The following KDM4A variants were observed in gnomAD, a reference collection of about 807,000 sequenced individuals.
The protein encoded by KDM4A is lysine demethylase 4A, also known as lysine-specific demethylase 4A.
KDM4A carries 23 observed loss-of-function variants against 127.1 expected under a neutral mutation model. The ratio of observed to expected loss-of-function variants is 0.18; its 90% CI spans 0.13 to 0.26. The LOEUF is 0.26. Among genes scored for constraint, KDM4A ranks in the 10% least tolerant of loss-of-function variants. The probability of loss-of-function intolerance (pLI) is 1.00; values close to 1 mark genes in which losing one functional copy is unlikely to be tolerated. For synonymous variants in KDM4A, 443 were observed against 466.5 expected (o/e 0.95, Z 0.65); for missense variants, 890 against 1,329.1 (o/e 0.67, Z 5.14).
At chr1:43,686,287 C>T (rs796697473) in intron 12 of KDM4A, among the ~76,000 whole-genome samples, 11 of 146,036 alleles carry the variant, frequency 7.5e-5, no homozygotes, top group African/African-American at 1.5e-4. Context: ...CCACCCACCT[C>T]GGCCTCCCAA....
Position 43,697,934 on chromosome 1 carries a change from G to T in KDM4A, c.2762G>T (p.Arg921Met), listed in dbSNP as rs967668303. The change falls in exon 19 of 22, where the codon AGG becomes ATG. Residue 921 changes from arginine to methionine, a missense_variant. By Grantham distance (91) the Arg-to-Met change is moderately conservative. This residue lies in a region of KDM4A where 246 missense variants were observed against 418.4 expected (regional missense o/e 0.59). Transcript: ENST00000372396. ...NGRFYQCEVVRLTTETFYEVN... is the reference protein window; with the variant it reads ...NGRFYQCEVVMLTTETFYEVN... The stretch of plus-strand genomic sequence containing the variant: ...CGCTTCTACCAGTGTGAAGTGGTCA[G>T]GCTCACCACCGAGACCTTCTATGAA... 1 of 1,604,646 alleles carries T rather than the reference G, an allele frequency of 6.2e-7. No homozygotes were observed. Among genetic ancestry groups the T allele is most frequent in the Non-Finnish European group, 8.5e-7 (1 of 1,175,826 alleles).
chr1:43,668,165 G>C (rs544098533), intron 9 of KDM4A, 146 bp downstream of exon 9: 1 of 1,133,146 alleles, frequency 8.8e-7, no homozygotes, highest in Non-Finnish European at 1.3e-6. Context: ...TCGCTCTGTC[G>C]CCCAGGCTGG....
Position 43,663,094 on chromosome 1 carries a change from T to G in KDM4A, c.623+7T>G. ...TTGGAGAACCAAAGTCCTGGTACAG[T>G]CTGCCTGCAGTCGGCACCGGGCTTC... is the stretch of plus-strand genomic sequence containing the variant. On this transcript the variant is annotated splice_region_variant and intron_variant, in intron 5 of 21. Transcript: ENST00000372396. The G allele has an allele frequency of 1.2e-6, 2 of 1,608,938 alleles. No homozygotes were observed. Among genetic ancestry groups the G allele is most frequent in the Non-Finnish European group, 1.7e-6 (2 of 1,177,060 alleles).
chr1:43,692,900 A>G (rs1161224315), intron 16 of KDM4A, among the ~76,000 whole-genome samples: 3 of 152,232 alleles, frequency 2.0e-5, no homozygotes, highest in Admixed American at 1.3e-4. Flanking sequence ...GTGGAAACGT[A>G]AGATGAATGA....
In KDM4A at chr1:43,662,885, C is replaced by T. The variant is rs472087; in HGVS notation, c.430-9C>T. 9,979 of 1,603,568 alleles carry T rather than the reference C, an allele frequency of 6.2e-3. 556 individuals are homozygous for T. The African/African-American group carries it at 0.12, about 19-fold the overall frequency. The stretch of plus-strand genomic sequence containing the variant: ...TGTAACTTGCCCTGGACTGTCATTG[C>T]CTTTGCAGCATGTTGATGAGTGGAA... On this transcript the variant is annotated splice_polypyrimidine_tract_variant and intron_variant, in intron 4 of 21. Coordinates refer to ENST00000372396, the MANE Select transcript of KDM4A (RefSeq NM_014663.3).
Position 43,693,828 on chromosome 1 carries a change from C to CA in KDM4A, c.2376-165dup, listed in dbSNP as rs976166296. On this transcript the variant is annotated intron_variant, in intron 16 of 21. Coordinates refer to ENST00000372396, the MANE Select transcript of KDM4A (RefSeq NM_014663.3). The surrounding 1 kb of genome is among the most constrained non-coding windows in gnomAD (Gnocchi z 4.2). ...GGGGGTGGCACTGCTTCCACATACT[C>CA]AGAGGAGAGACGGTTCTGGTTCTCA... 1.3e-5 allele frequency among the ~76,000 whole-genome samples: 2 copies of CA among 152,214 alleles called. No individual in the cohort carries two copies. The highest frequency in any genetic ancestry group is 2.9e-5 in the Non-Finnish European group (2 of 68,044).
chr1:43,700,570 G>A (rs1034016884), intron 19 of KDM4A, among the ~76,000 whole-genome samples: 1 of 151,852 alleles, frequency 6.6e-6, no homozygotes, highest in African/African-American at 2.4e-5. Context: ...AGCACCTCCC[G>A]AGTAGCTGGG....
In KDM4A at chr1:43,662,531, C is replaced by T. The variant is rs1393332222; in HGVS notation, c.430-363C>T. Among the ~76,000 whole-genome samples the T allele has an allele frequency of 4.6e-5, 7 of 152,064 alleles. No individual in the cohort carries two copies. In the East Asian group the frequency reaches 5.8e-4, roughly 13 times the overall value. On this transcript the variant is annotated intron_variant, in intron 4 of 21. Coordinates refer to ENST00000372396, the MANE Select transcript of KDM4A (RefSeq NM_014663.3). Reference sequence around the variant, plus strand: ...GCTGAAGCAGGGAATTGCTTGAGCCCGGGAGGCGGAGGTTGCAGTGAGCCA... The same window carrying T: ...GCTGAAGCAGGGAATTGCTTGAGCCTGGGAGGCGGAGGTTGCAGTGAGCCA...
intron 1 of KDM4A, among the ~76,000 whole-genome samples, chr1:43,651,608 G>A (rs1660114957): frequency 2.0e-5 from 3 of 152,144 alleles, no homozygotes. Context: ...GAGAGTCTTG[G>A]AGCTGAACCG....
chr1:43,690,940 C>T lies in KDM4A; in HGVS notation c.2133C>T (p.Phe711=), dbSNP rs201217233. 1.0e-4 allele frequency: 161 copies of T among 1,614,212 alleles called. No homozygotes were observed. The highest frequency in any genetic ancestry group is 2.2e-5 in the East Asian group (1 of 44,886). ...AGCCATTGATTCCAGAAATGTGCTT[C>T]ACTTCGACTGGCTGCAGCACGGACA... is the stretch of plus-strand genomic sequence containing the variant. ...RTKPLIPEMC[F]TSTGCSTDIN... Residue 711 remains phenylalanine, a synonymous_variant, in exon 14 of 22, where the codon TTC becomes TTT. Coordinates refer to ENST00000372396, the MANE Select transcript of KDM4A (RefSeq NM_014663.3).
At chr1:43,666,664 A>AAGTTTATTT (rs1660507651) in intron 7 of KDM4A, 109 bp downstream of exon 7, 1 of 878,506 alleles carries the variant, frequency 1.1e-6, no homozygotes, top group East Asian at 2.5e-5. Context: ...AAGCTTAAAT[A>AAGTTTATTT]AACTATGTAA....
At chr1:43,697,690 G>A (rs1056695678) in intron 18 of KDM4A, among the ~76,000 whole-genome samples, 153 bp from the exon 19 acceptor site, 1 of 152,048 alleles carries the variant, frequency 6.6e-6, no homozygotes, top group Non-Finnish European at 1.5e-5. Context: ...TATCTGGAAA[G>A]GCTTGTTTTA....
chr1:43,668,090 G>C, intron 9 of KDM4A, 71 bp downstream of exon 9: 1 of 1,555,252 alleles, frequency 6.4e-7, no homozygotes, highest in East Asian at 2.2e-5. Flanking sequence ...AATCTGTGGA[G>C]AGGCTGTTTC....
chr1:43,666,274 A>C (rs777617859), intron 6 of KDM4A, 178 bp from the exon 7 acceptor site: 17 of 585,716 alleles, frequency 2.9e-5, no homozygotes, highest in Non-Finnish European at 5.1e-5. Flanking sequence ...CATGGGAGTG[A>C]GCCTAGAGGC....
rs545940914 is a variant in KDM4A at position 43,660,466 on chromosome 1, T to G, written c.429+54T>G. 58 of 1,543,314 alleles carry G rather than the reference T, an allele frequency of 3.8e-5. No individual in the cohort carries two copies. In the East Asian group the frequency reaches 1.3e-3, roughly 35 times the overall value. ...GTGTTTTTGTAATTTTGTAATACCT[T>G]TTTTTCGGCCCGGCACGTAGTAGGC... On this transcript the variant is annotated intron_variant, in intron 4 of 21. Coordinates refer to ENST00000372396, the MANE Select transcript of KDM4A (RefSeq NM_014663.3).
chr1:43,692,194 A>G (rs1196685794), intron 15 of KDM4A, 62 bp from the exon 16 acceptor site: 1 of 1,433,852 alleles, frequency 7.0e-7, no homozygotes, highest in Non-Finnish European at 9.8e-7. Flanking sequence ...TCCAGGGGAG[A>G]GCAGATTGAA....
At chr1:43,683,607 G>A (rs1660905329) in intron 11 of KDM4A, 77 bp from the exon 12 acceptor site, 2 of 1,503,552 alleles carry the variant, frequency 1.3e-6, no homozygotes, top group Non-Finnish European at 9.0e-7. Context: ...TCTTTCCTTT[G>A]GTTTTCATTG....
Position 43,693,839 on chromosome 1 carries a change from C to T in KDM4A, c.2376-155C>T, listed in dbSNP as rs2270971. 3.3e-5 allele frequency among the ~76,000 whole-genome samples: 5 copies of T among 152,186 alleles called. No individual in the cohort carries two copies. In the East Asian group the frequency reaches 5.8e-4, roughly 18 times the overall value. ...TGCTTCCACATACTCAGAGGAGAGA[C>T]GGTTCTGGTTCTCACCTTCCTGGGT... On this transcript the variant is annotated intron_variant, in intron 16 of 21. Coordinates refer to ENST00000372396, the MANE Select transcript of KDM4A (RefSeq NM_014663.3). The surrounding 1 kb of genome is among the most constrained non-coding windows in gnomAD (Gnocchi z 4.2).
intron 16 of KDM4A, among the ~76,000 whole-genome samples, chr1:43,692,646 G>C (rs1344307571): frequency 6.6e-6 from 1 of 152,218 alleles, no homozygotes; most frequent in Non-Finnish European, 1.5e-5. Flanking sequence ...CCTTGTCACA[G>C]CTGGGGCTGG....
Sources: allele counts gnomAD v4.1 joint callset (sites outside exome capture counted in the v4.1 genomes callset), GRCh38; gene constraint gnomAD v4.1.1; regional missense constraint gnomAD v4.1.1; non-coding constraint Gnocchi (gnomAD v3.1); transcripts MANE v1.5; gene names NCBI Gene and HGNC (gene_info 2026-07-23, HGNC 2026-07-21).